The following OSBP2 variants were observed in gnomAD, a reference collection of about 807,000 sequenced individuals.
The protein encoded by OSBP2 is oxysterol-binding protein 2.
A neutral mutation model predicts 96.0 loss-of-function variants in OSBP2; 66 were observed. The observed-to-expected ratio is 0.69, with a 90% CI of 0.56 to 0.84. The LOEUF (loss-of-function observed/expected upper bound fraction) is 0.84. Ranked by LOEUF, OSBP2 falls within the 40% of genes least tolerant of loss-of-function variation. The probability of loss-of-function intolerance (pLI) is 0.00; values close to 1 mark genes in which losing one functional copy is unlikely to be tolerated. For synonymous variants in OSBP2, 525 were observed against 520.9 expected, an observed-to-expected ratio of 1.01 and a Z score of -0.11; for missense variants, 1,038 against 1,222.7, an observed-to-expected ratio of 0.85 and a Z score of 2.25.
Position 30,695,127 on chromosome 22 carries a change from T to C in OSBP2, c.218T>C (p.Val73Ala). 2 of 1,598,472 alleles carry C rather than the reference T, an allele frequency of 1.3e-6. No homozygotes were observed. The highest frequency in any genetic ancestry group is 1.7e-5 in the Admixed American group (1 of 58,808). Residue 73 changes from valine (V) to alanine (A), a missense_variant, in exon 1 of 14, where the codon GTT (valine) becomes GCT (alanine). Transcript: ENST00000332585. ...GPLSEQVSEA[V>A]SEAVPRSEPV... The stretch of plus-strand genomic sequence containing the variant: ...CTGTCAGAACAGGTGTCGGAGGCAG[T>C]TTCGGAGGCAGTGCCAAGATCGGAA...
chr22:30,704,349 A>G (rs1262921451), intron 1 of OSBP2, among the ~76,000 whole-genome samples: 1 of 152,140 alleles, frequency 6.6e-6, no homozygotes, highest in Non-Finnish European at 1.5e-5. Flanking sequence ...GAGTCACACA[A>G]GATGCGCTTA....
intron 2 of OSBP2, among the ~76,000 whole-genome samples, chr22:30,835,101 G>A (rs1174945365): frequency 6.6e-6 from 1 of 151,864 alleles, no homozygotes; most frequent in East Asian, 1.9e-4. Flanking sequence ...ACCATGCCTG[G>A]CCTGTCTTTC....
At chr22:30,714,586 C>A (rs974475441) in intron 1 of OSBP2, among the ~76,000 whole-genome samples, 1 of 152,004 alleles carries the variant, frequency 6.6e-6, no homozygotes, top group African/African-American at 2.4e-5. Flanking sequence ...CCCCTTTTCC[C>A]CTTTCCCTAC....
chr22:30,813,754 TG>T (rs1888331945), intron 2 of OSBP2, among the ~76,000 whole-genome samples: 1 of 151,942 alleles, frequency 6.6e-6, no homozygotes, highest in East Asian at 1.9e-4. Flanking sequence ...GGCAGTGGTG[TG>T]GGGACAGCTG....
chr22:30,725,252 C>G (rs1350740651), intron 1 of OSBP2, among the ~76,000 whole-genome samples: 1 of 151,258 alleles, frequency 6.6e-6, no homozygotes, highest in African/African-American at 2.4e-5. Context: ...GGCCTGTAAT[C>G]CCAGCACTTT....
At chr22:30,794,262 A>ATTTTTTTTTT (rs136291) in intron 2 of OSBP2, among the ~76,000 whole-genome samples, 1 of 134,904 alleles carries the variant, frequency 7.4e-6, no homozygotes. Flanking sequence ...TCCTCTATTC[A>ATTTTTTTTTT]TTTTTTTTTT....
At chr22:30,893,432 G>A in intron 9 of OSBP2, 31 bp from the exon 10 acceptor site, 5 of 1,578,986 alleles carry the variant, frequency 3.2e-6, no homozygotes, top group Non-Finnish European at 4.4e-6. Flanking sequence ...GCATGGGGGG[G>A]CATGACCTCT....
intron 1 of OSBP2, among the ~76,000 whole-genome samples, chr22:30,734,588 G>T (rs781351152): frequency 6.6e-6 from 1 of 152,106 alleles, no homozygotes. Flanking sequence ...ACATGAGCAG[G>T]TGCACTACTC....
chr22:30,810,752 C>T (rs1282415377), intron 2 of OSBP2, among the ~76,000 whole-genome samples: 1 of 152,196 alleles, frequency 6.6e-6, no homozygotes, highest in Non-Finnish European at 1.5e-5. Flanking sequence ...AATGATCCAG[C>T]CCCTCTCTGA....
intron 2 of OSBP2, among the ~76,000 whole-genome samples, chr22:30,773,729 C>T (rs2090388130): frequency 6.6e-6 from 1 of 151,866 alleles, no homozygotes; most frequent in Admixed American, 6.6e-5. Context: ...GGTGTAGAGG[C>T]TCTGGGCCAC....
intron 2 of OSBP2, among the ~76,000 whole-genome samples, chr22:30,806,650 C>G (rs1436460953): frequency 6.6e-6 from 1 of 152,140 alleles, no homozygotes; most frequent in South Asian, 2.1e-4. Flanking sequence ...CTGCCCTGGA[C>G]AGGAACCCCT....
At chr22:30,694,868 G>C, upstream of OSBP2, 2 of 966,100 alleles carry the variant, frequency 2.1e-6, no homozygotes, top group Non-Finnish European at 2.7e-6. Context: ...CCTGCCCCCC[G>C]CCCCCACTGG....
intron 2 of OSBP2, among the ~76,000 whole-genome samples, chr22:30,824,704 A>G (rs1224321978): frequency 1.3e-5 from 2 of 152,164 alleles, no homozygotes; most frequent in African/African-American, 2.4e-5. Flanking sequence ...GTCACCGCAC[A>G]CAAATTTCCC....
At chr22:30,779,035 CA>C (rs71688104) in intron 2 of OSBP2, among the ~76,000 whole-genome samples, 17,313 of 136,184 alleles carry the variant, frequency 0.13, 1,058 homozygotes, top group Non-Finnish European at 0.15. Context: ...GACTCCATCT[CA>C]AAAAAAAAAA....
chr22:30,817,726 A>G (rs2091098471), intron 2 of OSBP2, among the ~76,000 whole-genome samples: 1 of 152,196 alleles, frequency 6.6e-6, no homozygotes, highest in Non-Finnish European at 1.5e-5. Context: ...GTGCTAGACC[A>G]CATTGGAGGC....
chr22:30,769,694 C>T (rs112000629), intron 2 of OSBP2, among the ~76,000 whole-genome samples: 73 of 152,188 alleles, frequency 4.8e-4, no homozygotes, highest in African/African-American at 1.7e-3. Context: ...ACAAAACAGT[C>T]TAGGTGAGAG....
intron 2 of OSBP2, among the ~76,000 whole-genome samples, chr22:30,811,525 T>A (rs2091006760): frequency 6.6e-6 from 1 of 151,452 alleles, no homozygotes; most frequent in African/African-American, 2.4e-5. Context: ...TTTTTAAATT[T>A]ATTTTTAATT....
chr22:30,811,820 G>C (rs1288152906), intron 2 of OSBP2, among the ~76,000 whole-genome samples: 1 of 151,642 alleles, frequency 6.6e-6, no homozygotes, highest in Non-Finnish European at 1.5e-5. Flanking sequence ...CTCCCAAAGT[G>C]CTGGGATTAC....
chr22:30,759,920 GGT>G (rs1247168285), intron 2 of OSBP2, among the ~76,000 whole-genome samples: 2 of 150,918 alleles, frequency 1.3e-5, no homozygotes, highest in Non-Finnish European at 2.9e-5. Context: ...AGTGTGCAGT[GGT>G]GCAGTCTTGG....
Sources: allele counts gnomAD v4.1 joint callset (sites outside exome capture counted in the v4.1 genomes callset), GRCh38; gene constraint gnomAD v4.1.1; transcripts MANE v1.5; gene names NCBI Gene and HGNC (gene_info 2026-07-23, HGNC 2026-07-21).